CAMK4: variants seen among roughly 807,000 people sequenced by gnomAD.
CAMK4 encodes the protein calcium/calmodulin dependent protein kinase IV.
In CAMK4, 22 loss-of-function variants were observed where a neutral mutation model predicts 44.9. The observed-to-expected ratio is 0.49, with a 90% CI of 0.35 to 0.70. The LOEUF (loss-of-function observed/expected upper bound fraction) is 0.70. Among genes scored for constraint, CAMK4 ranks in the 30% least tolerant of loss-of-function variants. The pLI is 0.01. For synonymous variants in CAMK4, 218 were observed against 215.4 expected (o/e 1.01, Z -0.11); for missense variants, 498 against 586.8 (o/e 0.85, Z 1.56).
At chr5:111,447,337 C>T (rs115432258) in intron 6 of CAMK4, among the ~76,000 whole-genome samples, 2,919 of 152,204 alleles carry the variant, frequency 0.019, 95 homozygotes, top group African/African-American at 0.066. Flanking sequence ...TATGGCTGAT[C>T]AACTAAGTTA....
At chr5:111,251,094 A>G (rs1458777651) in intron 1 of CAMK4, among the ~76,000 whole-genome samples, 4 of 152,206 alleles carry the variant, frequency 2.6e-5, no homozygotes, top group Non-Finnish European at 4.4e-5. Flanking sequence ...AGTGGGAGAC[A>G]TTGCTGTATC....
intron 1 of CAMK4, among the ~76,000 whole-genome samples, chr5:111,244,004 G>A (rs946547842): frequency 1.3e-4 from 20 of 152,148 alleles, no homozygotes; most frequent in African/African-American, 4.8e-4. Context: ...GGAGCACAGA[G>A]AAGTCACCTG....
At chr5:111,254,375 G>C (rs1364823564) in intron 1 of CAMK4, among the ~76,000 whole-genome samples, 1 of 152,210 alleles carries the variant, frequency 6.6e-6, no homozygotes, top group African/African-American at 2.4e-5. Context: ...GGCAGTGTGC[G>C]CTGTGAGATG....
intron 1 of CAMK4, among the ~76,000 whole-genome samples, chr5:111,296,332 A>G (rs958043453): frequency 2.6e-5 from 4 of 152,238 alleles, no homozygotes; most frequent in Non-Finnish European, 5.9e-5. Flanking sequence ...TCCATTACTC[A>G]GGAAAAGTCT....
At chr5:111,262,325 C>G (rs1450541142) in intron 1 of CAMK4, among the ~76,000 whole-genome samples, 1 of 152,008 alleles carries the variant, frequency 6.6e-6, no homozygotes, top group Non-Finnish European at 1.5e-5. Context: ...GAGGGCTGAT[C>G]AACATGATTG....
At chr5:111,453,899 C>T (rs251005) in intron 7 of CAMK4, among the ~76,000 whole-genome samples, 127,177 of 152,030 alleles carry the variant, frequency 0.84, 53,917 homozygotes, top group African/African-American at 0.95. Context: ...CCTGGGATGA[C>T]TAAGGCAGAG....
At chr5:111,281,229 A>T (rs1270911953) in intron 1 of CAMK4, among the ~76,000 whole-genome samples, 1 of 152,154 alleles carries the variant, frequency 6.6e-6, no homozygotes, top group African/African-American at 2.4e-5. Context: ...GACATGCTGG[A>T]CAGTTCTGTG....
chr5:111,368,772 G>T (rs1452492577), intron 2 of CAMK4, among the ~76,000 whole-genome samples: 1 of 151,962 alleles, frequency 6.6e-6, no homozygotes, highest in Non-Finnish European at 1.5e-5. Context: ...CAGTGTTTTA[G>T]CCTTACTTTT....
At chr5:111,254,836 G>A (rs1185755210) in intron 1 of CAMK4, among the ~76,000 whole-genome samples, 1 of 152,012 alleles carries the variant, frequency 6.6e-6, no homozygotes, top group Non-Finnish European at 1.5e-5. Context: ...GGGTAAAAAG[G>A]GTACTGCAGT....
chr5:111,308,158 C>A (rs1277464506), intron 1 of CAMK4, among the ~76,000 whole-genome samples: 3 of 132,320 alleles, frequency 2.3e-5, no homozygotes, highest in Non-Finnish European at 3.1e-5. Context: ...CTAGATGACA[C>A]GTTAGTGGGT....
intron 1 of CAMK4, among the ~76,000 whole-genome samples, chr5:111,294,574 A>G (rs1362546836): frequency 6.6e-6 from 1 of 152,234 alleles, no homozygotes; most frequent in African/African-American, 2.4e-5. Context: ...TCAGTTCAAA[A>G]GCAAGATGGT....
intron 2 of CAMK4, among the ~76,000 whole-genome samples, chr5:111,349,133 T>C (rs553162717): frequency 1.3e-5 from 2 of 152,114 alleles, no homozygotes; most frequent in South Asian, 4.1e-4. Context: ...TAGTGATTCT[T>C]GTACTGAAGA....
intron 1 of CAMK4, among the ~76,000 whole-genome samples, chr5:111,335,832 G>T (rs532373714): frequency 6.6e-6 from 1 of 151,192 alleles, no homozygotes; most frequent in Non-Finnish European, 1.5e-5. Flanking sequence ...TAGTTTATAC[G>T]TAGTATTTCA....
chr5:111,474,565 G>A (rs552610671), intron 8 of CAMK4, among the ~76,000 whole-genome samples: 1 of 152,248 alleles, frequency 6.6e-6, no homozygotes, highest in African/African-American at 2.4e-5. Context: ...GGGAGCTGGG[G>A]CATCAACATA....
intron 1 of CAMK4, among the ~76,000 whole-genome samples, chr5:111,330,126 A>C (rs993580757): frequency 6.7e-6 from 1 of 149,318 alleles, no homozygotes; most frequent in Non-Finnish European, 1.5e-5. Flanking sequence ...AAAAAACTCT[A>C]GAAGACTAGT....
intron 1 of CAMK4, among the ~76,000 whole-genome samples, chr5:111,274,588 G>C (rs976485977): frequency 6.6e-6 from 1 of 151,988 alleles, no homozygotes; most frequent in African/African-American, 2.4e-5. Context: ...ATATCTCCAG[G>C]GTGGATTTGG....
At chr5:111,403,504 C>G (rs1272658151) in intron 5 of CAMK4, among the ~76,000 whole-genome samples, 1 of 152,018 alleles carries the variant, frequency 6.6e-6, no homozygotes, top group Non-Finnish European at 1.5e-5. Flanking sequence ...AGTTGAAGCA[C>G]TAAAATGATA....
chr5:111,414,424 C>A (rs1752742677), intron 5 of CAMK4, among the ~76,000 whole-genome samples: 1 of 152,142 alleles, frequency 6.6e-6, no homozygotes, highest in African/African-American at 2.4e-5. Flanking sequence ...ACAACACCAT[C>A]CACAATACAT....
intron 2 of CAMK4, among the ~76,000 whole-genome samples, chr5:111,357,651 T>C (rs888181062): frequency 6.6e-6 from 1 of 152,090 alleles, no homozygotes; most frequent in Non-Finnish European, 1.5e-5. Flanking sequence ...CAGAGGATAC[T>C]AATTAAAAGA....
Sources: allele counts gnomAD v4.1 joint callset (sites outside exome capture counted in the v4.1 genomes callset), GRCh38; gene constraint gnomAD v4.1.1; transcripts MANE v1.5; gene names NCBI Gene and HGNC (gene_info 2026-07-23, HGNC 2026-07-21).